Variants in USP10 observed in about 807,000 individuals in gnomAD.
The protein encoded by USP10 is ubiquitin specific peptidase 10.
Under a neutral mutation model 84.5 loss-of-function variants are expected in USP10, and 22 were observed. The ratio of observed to expected loss-of-function variants is 0.26; its 90% CI spans 0.19 to 0.37. The LOEUF (loss-of-function observed/expected upper bound fraction) is 0.37. USP10 is among the 10% of genes least tolerant of loss of function. The pLI is 1.00. For synonymous variants in USP10, 454 were observed against 387.6 expected (o/e 1.17, Z -2.01); for missense variants, 1,019 against 998.9 (o/e 1.02, Z -0.27).
Position 84,745,423 on chromosome 16 carries a change from A to C in USP10, c.942A>C (p.Pro314=). ...CCACGGAAAGCATAGACTTGGACCC[A>C]ACCAAACCCGAGAGTGCATCACCTC... ...LHTTESIDLD[P]TKPESASPPA... The change falls in exon 4 of 14, where the codon CCA becomes CCC. Residue 314 remains proline (P), a synonymous_variant. Coordinates refer to ENST00000219473, the MANE Select transcript of USP10 (RefSeq NM_005153.3). 1 of 1,613,766 alleles carries C rather than the reference A, an allele frequency of 6.2e-7. No individual in the cohort carries two copies. Among genetic ancestry groups the C allele is most frequent in the Non-Finnish European group, 8.5e-7 (1 of 1,179,704 alleles).
chr16:84,761,465 C>A (rs1262555972), intron 8 of USP10, among the ~76,000 whole-genome samples: 2 of 152,188 alleles, frequency 1.3e-5, no homozygotes, highest in African/African-American at 2.4e-5. Flanking sequence ...GCATGCGGAG[C>A]AGAGTCAGGA....
At chr16:84,706,803 G>T (rs544054649) in intron 1 of USP10, among the ~76,000 whole-genome samples, 2 of 152,048 alleles carry the variant, frequency 1.3e-5, no homozygotes, top group African/African-American at 4.8e-5. Flanking sequence ...GCCTCCCAGA[G>T]TGCTGGGATT....
At chr16:84,710,785 C>T (rs1906179505) in intron 1 of USP10, among the ~76,000 whole-genome samples, 1 of 152,210 alleles carries the variant, frequency 6.6e-6, no homozygotes, top group African/African-American at 2.4e-5. Flanking sequence ...ACCCTGGGTG[C>T]CACCAAGAGA....
Position 84,755,783 on chromosome 16 carries a change from G to T in USP10, c.1193-2933G>T, listed in dbSNP as rs553721631. 1.8e-4 allele frequency among the ~76,000 whole-genome samples: 21 copies of T among 113,694 alleles called. 2 individuals carry two copies. The South Asian group carries it at 5.3e-3, about 29-fold the overall frequency. 74.6% of individuals were successfully genotyped at this position (113,694 alleles called of 152,430 possible). A position where few individuals can be genotyped will look rare whatever the true frequency, so the allele number is the denominator to read the frequency against. On this transcript the variant is annotated intron_variant, in intron 4 of 13. Coordinates refer to ENST00000219473, the MANE Select transcript of USP10 (RefSeq NM_005153.3). ...ACTGCATTCCAGCCTGGGCGGCAGA[G>T]TGAGACTGTCTCAAAAAAAAAAAAA... is the stretch of plus-strand genomic sequence containing the variant.
chr16:84,743,216 T>C (rs1030560232), intron 3 of USP10, among the ~76,000 whole-genome samples: 10 of 152,242 alleles, frequency 6.6e-5, no homozygotes, highest in African/African-American at 2.4e-4. Context: ...TAGATGGTCG[T>C]GACTTCATGC....
chr16:84,771,459 C>T (rs889445065), intron 11 of USP10, among the ~76,000 whole-genome samples: 3 of 152,020 alleles, frequency 2.0e-5, no homozygotes, highest in African/African-American at 7.3e-5. Flanking sequence ...CATGCCACTG[C>T]ACTCCAGCAT....
At position 84,766,094 on chromosome 16, in the gene USP10, C is replaced by G. The variant is rs367646533; in HGVS notation, c.1832+1831C>G. Among the ~76,000 whole-genome samples the G allele has an allele frequency of 1.7e-3, 263 of 152,296 alleles. 1 individual carries two copies. Among genetic ancestry groups the G allele is most frequent in the African/African-American group, 5.7e-3 (238 of 41,568 alleles). Reference sequence around the variant, plus strand: ...TGCGTACCTGAAAGAAAGAGCACCCCTTTTGAGGCATCAAGACTTGATTCA... The same window carrying G: ...TGCGTACCTGAAAGAAAGAGCACCCGTTTTGAGGCATCAAGACTTGATTCA... On this transcript the variant is annotated intron_variant, in intron 10 of 13. Transcript: ENST00000219473.
At chr16:84,723,648 A>G (rs954033363) in intron 1 of USP10, among the ~76,000 whole-genome samples, 5 of 152,226 alleles carry the variant, frequency 3.3e-5, no homozygotes, top group African/African-American at 9.6e-5. Flanking sequence ...CACCTACTCT[A>G]TGCCAAGTCT....
intron 10 of USP10, among the ~76,000 whole-genome samples, chr16:84,765,452 T>C (rs958588164): frequency 3.3e-5 from 5 of 151,506 alleles, no homozygotes; most frequent in Non-Finnish European, 7.4e-5. Flanking sequence ...GGAACCACTC[T>C]TTTCCCTATC....
At chr16:84,775,330 C>G in intron 13 of USP10, 105 bp downstream of exon 13, 2 of 1,123,856 alleles carry the variant, frequency 1.8e-6, no homozygotes, top group South Asian at 1.2e-5. Context: ...AGATGCTGTA[C>G]TCAGGTATCC....
At position 84,735,048 on chromosome 16, in the gene USP10, C is replaced by G. The variant is rs555948872; in HGVS notation, c.90+1545C>G. Among the ~76,000 whole-genome samples the G allele has an allele frequency of 2.0e-5, 3 of 151,240 alleles. No individual in the cohort carries two copies. In the South Asian group the frequency reaches 6.3e-4, roughly 32 times the overall value. ...ATTTTTTCTTTTCTTTTCTTTTTTT[C>G]GAGACAGGGTCTCACTCTGCCCAGG... is the stretch of plus-strand genomic sequence containing the variant. On this transcript the variant is annotated intron_variant, in intron 2 of 13. Transcript: ENST00000219473.
intron 1 of USP10, among the ~76,000 whole-genome samples, chr16:84,732,032 C>T (rs1909302020): frequency 6.6e-6 from 1 of 152,044 alleles, no homozygotes; most frequent in Non-Finnish European, 1.5e-5. Context: ...TTGACTTTTG[C>T]AAGTATATGT....
intron 2 of USP10, among the ~76,000 whole-genome samples, chr16:84,738,781 A>G (rs370711954): frequency 2.6e-5 from 4 of 152,202 alleles, no homozygotes; most frequent in East Asian, 3.8e-4. Context: ...ACTAGCAGAG[A>G]GAAGCTTTTA....
chr16:84,775,302 C>G, intron 13 of USP10, 77 bp downstream of exon 13: 1 of 1,440,478 alleles, frequency 6.9e-7, no homozygotes, highest in Middle Eastern at 1.7e-4. Context: ...AGGTTTGCTG[C>G]AACTTAGCAT....
At chr16:84,768,915 T>C (rs757853859) in intron 11 of USP10, among the ~76,000 whole-genome samples, 1 of 152,220 alleles carries the variant, frequency 6.6e-6, no homozygotes, top group African/African-American at 2.4e-5. Flanking sequence ...AGTATCACAT[T>C]ATAGCTTGGT....
intron 3 of USP10, among the ~76,000 whole-genome samples, chr16:84,741,188 G>C (rs1910580579): frequency 6.6e-6 from 1 of 152,204 alleles, no homozygotes; most frequent in African/African-American, 2.4e-5. Flanking sequence ...GCCTTGAAAA[G>C]ACTAACCAAA....
At chr16:84,743,678 A>G (rs1167381917) in intron 3 of USP10, among the ~76,000 whole-genome samples, 10 of 152,190 alleles carry the variant, frequency 6.6e-5, no homozygotes, top group Admixed American at 6.5e-4. Context: ...ATAAGGTGAC[A>G]TTGATGCTTG....
chr16:84,778,878 G>C lies in USP10; in HGVS notation c.2210-17G>C. The C allele has an allele frequency of 6.2e-7, 1 of 1,609,108 alleles. No individual in the cohort carries two copies. The highest frequency in any genetic ancestry group is 8.5e-7 in the Non-Finnish European group (1 of 1,177,096). ...CAGTGCTGTTCTCACTCTGCTGCCTGCTGGGCTCTCTTCCAGTGGTCTACC... is the reference window on the plus strand; with the variant it reads ...CAGTGCTGTTCTCACTCTGCTGCCTCCTGGGCTCTCTTCCAGTGGTCTACC... On this transcript the variant is annotated splice_polypyrimidine_tract_variant and intron_variant, in intron 13 of 13. Transcript: ENST00000219473.
chr16:84,772,419 G>A (rs1914550734), intron 11 of USP10, 122 bp from the exon 12 acceptor site: 3 of 1,380,786 alleles, frequency 2.2e-6, no homozygotes, highest in Non-Finnish European at 3.0e-6. Context: ...AAGCCATGAA[G>A]TCCTGCCACA....
Sources: gnomAD v4.1 joint callset for allele counts (sites outside exome capture counted in the v4.1 genomes callset) on GRCh38, gnomAD v4.1.1 for gene constraint, MANE v1.5 for transcripts, NCBI Gene and HGNC (gene_info 2026-07-23, HGNC 2026-07-21) for gene names.